RANBP2: variants seen among roughly 807,000 people sequenced by gnomAD.
RANBP2 encodes E3 SUMO-protein ligase RanBP2.
Under a neutral mutation model 303.6 loss-of-function variants are expected in RANBP2, and 57 were observed. The observed-to-expected ratio is 0.19, with a 90% CI of 0.15 to 0.23. The LOEUF (loss-of-function observed/expected upper bound fraction) is 0.23, where lower values mean the gene tolerates loss of function less well. RANBP2 is among the 10% of genes least tolerant of loss of function. RANBP2 has a pLI of 1.00. For missense variants in RANBP2, 3,138 were observed against 3,780.8 expected, an observed-to-expected ratio of 0.83 and a Z score of 4.46; for synonymous variants, 1,167 against 1,301.5, an observed-to-expected ratio of 0.90 and a Z score of 2.23.
chr2:109,417,045 C>T, the RANBP2 span, among the ~76,000 whole-genome samples: 66 of 152,242 alleles, frequency 4.3e-4, no homozygotes, highest in African/African-American at 1.5e-3. Context: ...GTCAGTGTGT[C>T]GAGCCTGTTG....
At chr2:109,148,168 C>A in the RANBP2 span, among the ~76,000 whole-genome samples, 1 of 152,208 alleles carries the variant, frequency 6.6e-6, no homozygotes, top group East Asian at 1.9e-4. Flanking sequence ...GTGTTCTTAC[C>A]GATGGTGGAA....
At chr2:108,731,137 A>G (rs2693130) in intron 3 of RANBP2, among the ~76,000 whole-genome samples, 185 bp from the exon 4 acceptor site, 9 of 152,106 alleles carry the variant, frequency 5.9e-5, no homozygotes, top group African/African-American at 1.4e-4. Context: ...TTTTTATTTG[A>G]TTCATTTCCA....
the RANBP2 span, among the ~76,000 whole-genome samples, chr2:108,931,355 G>A: frequency 4.6e-5 from 7 of 152,210 alleles, no homozygotes; most frequent in African/African-American, 1.7e-4. Context: ...CCTTACATGA[G>A]CTTTAAGTCT....
At chr2:109,462,699 C>T in the RANBP2 span, among the ~76,000 whole-genome samples, 1 of 152,182 alleles carries the variant, frequency 6.6e-6, no homozygotes, top group Non-Finnish European at 1.5e-5. Context: ...GTCAGGAAAC[C>T]AATGTGAGGA....
At chr2:109,424,987 A>G in the RANBP2 span, among the ~76,000 whole-genome samples, 2 of 152,240 alleles carry the variant, frequency 1.3e-5, no homozygotes, top group African/African-American at 2.4e-5. Context: ...TAAGTTGTCA[A>G]TGAAAAGAAA....
the RANBP2 span, among the ~76,000 whole-genome samples, chr2:109,204,807 T>C: frequency 6.6e-6 from 1 of 152,236 alleles, no homozygotes; most frequent in East Asian, 1.9e-4. Flanking sequence ...GATGGTGCCA[T>C]TGAACTTGTT....
the RANBP2 span, among the ~76,000 whole-genome samples, chr2:109,373,980 C>A: frequency 1.3e-5 from 2 of 152,152 alleles, no homozygotes; most frequent in Non-Finnish European, 2.9e-5. Flanking sequence ...TCCACAGGCA[C>A]ACTCAGAGAC....
the RANBP2 span, chr2:109,501,848 A>G: frequency 1.7e-6 from 1 of 583,526 alleles, no homozygotes; most frequent in Non-Finnish European, 3.1e-6. Flanking sequence ...CCTTCTCCCA[A>G]AACCCCCAAA....
the RANBP2 span, among the ~76,000 whole-genome samples, chr2:109,342,924 A>G: frequency 6.6e-6 from 1 of 152,248 alleles, no homozygotes; most frequent in African/African-American, 2.4e-5. Flanking sequence ...TAGGCATCCC[A>G]GATGGGTTTT....
At position 108,766,427 on chromosome 2, in the gene RANBP2, A is replaced by C; in HGVS notation, c.5888A>C (p.Lys1963Thr). The C allele has an allele frequency of 1.2e-6, 2 of 1,612,010 alleles. No individual in the cohort carries two copies. Among genetic ancestry groups the C allele is most frequent in the Non-Finnish European group, 1.7e-6 (2 of 1,179,844 alleles). ...TCAGGAGAAGGATTTCAGTTTGGCA[A>C]AAAAGACCCCAATTTCAAGGGATTT... ...STSGEGFQFG[K>T]KDPNFKGFSG... The change falls in exon 20 of 29, where the codon AAA becomes ACA. Residue 1963 changes from lysine (K) to threonine (T), a missense_variant. Around this residue, in one of 20 missense-constraint regions of RANBP2, gnomAD observed 348 missense variants for 360.4 expected, o/e 0.97. Transcript: ENST00000283195.
chr2:108,793,290 G>A, the RANBP2 span, among the ~76,000 whole-genome samples: 1 of 151,934 alleles, frequency 6.6e-6, no homozygotes, highest in African/African-American at 2.4e-5. Context: ...CCGAGGTCGC[G>A]CCACTGCACT....
chr2:109,257,209 G>A, the RANBP2 span, among the ~76,000 whole-genome samples: 21 of 152,182 alleles, frequency 1.4e-4, no homozygotes, highest in African/African-American at 1.9e-4. Context: ...TGGACATGAC[G>A]GTAAGTCCTT....
At chr2:109,235,295 T>G in the RANBP2 span, among the ~76,000 whole-genome samples, 1 of 152,200 alleles carries the variant, frequency 6.6e-6, no homozygotes, top group African/African-American at 2.4e-5. Flanking sequence ...GCAAGGTCTT[T>G]CTTCTCCCCT....
At chr2:109,500,305 G>A in the RANBP2 span, among the ~76,000 whole-genome samples, 7 of 152,186 alleles carry the variant, frequency 4.6e-5, no homozygotes, top group Admixed American at 1.3e-4. Context: ...CTCTTGGTCA[G>A]TGCCACAGCT....
At chr2:109,478,699 G>A in the RANBP2 span, among the ~76,000 whole-genome samples, 1 of 152,168 alleles carries the variant, frequency 6.6e-6, no homozygotes, top group Non-Finnish European at 1.5e-5. Context: ...GGAAGGGAGA[G>A]AGGGGGAGAG....
the RANBP2 span, among the ~76,000 whole-genome samples, chr2:109,415,648 CT>C: frequency 6.6e-6 from 1 of 152,150 alleles, no homozygotes; most frequent in South Asian, 2.1e-4. Context: ...ACGCCGTGCC[CT>C]CAGACTGAAG....
chr2:109,469,322 T>C, the RANBP2 span, among the ~76,000 whole-genome samples: 1 of 152,146 alleles, frequency 6.6e-6, no homozygotes, highest in Non-Finnish European at 1.5e-5. Context: ...TATCCTGGGG[T>C]GTGTGGCATG....
At chr2:108,827,883 A>G in the RANBP2 span, among the ~76,000 whole-genome samples, 4 of 152,030 alleles carry the variant, frequency 2.6e-5, no homozygotes, top group Non-Finnish European at 5.9e-5. Context: ...CTGTTCCTGA[A>G]AAAAATTCAT....
chr2:109,679,138 C>T, the RANBP2 span, among the ~76,000 whole-genome samples: 2 of 152,194 alleles, frequency 1.3e-5, no homozygotes, highest in Non-Finnish European at 2.9e-5. Context: ...CTGGGGACCA[C>T]ACTAAACAGC....
Sources: gnomAD v4.1 joint callset for allele counts (sites outside exome capture counted in the v4.1 genomes callset) on GRCh38, gnomAD v4.1.1 for gene constraint, gnomAD v4.1.1 regional missense constraint, MANE v1.5 for transcripts, NCBI Gene and HGNC (gene_info 2026-07-23, HGNC 2026-07-21) for gene names.